Variants in CENPP observed in about 807,000 individuals in gnomAD.
CENPP encodes centromere protein P.
CENPP carries 24 observed loss-of-function variants against 35.6 expected under a neutral mutation model. That is an observed-to-expected ratio of 0.67 (90% CI 0.49 to 0.95). The LOEUF is 0.95. Among genes scored for constraint, CENPP ranks in the 40% least tolerant of loss-of-function variants. The pLI, the probability that CENPP is intolerant of heterozygous loss-of-function variation, is 0.00. For missense variants in CENPP, 332 were observed against 345.3 expected, an observed-to-expected ratio of 0.96 and a Z score of 0.31; for synonymous variants, 120 against 125.5, an observed-to-expected ratio of 0.96 and a Z score of 0.29.
intron 5 of CENPP, among the ~76,000 whole-genome samples, chr9:92,567,403 T>TATATATATAGATAGATAGATAG (rs1554688343): frequency 7.2e-6 from 1 of 138,664 alleles, no homozygotes; most frequent in African/African-American, 2.7e-5. Context: ...TATAGATATA[T>TATATATATAGATAGATAGATAG]ATATAAAGTG....
chr9:92,389,365 A>C (rs889331977), intron 5 of CENPP, among the ~76,000 whole-genome samples: 48 of 152,212 alleles, frequency 3.2e-4, no homozygotes, highest in African/African-American at 1.1e-3. Flanking sequence ...TTTATATTAC[A>C]TGCTCTCATG....
At chr9:92,428,086 GC>G (rs1234350100) in intron 5 of CENPP, among the ~76,000 whole-genome samples, 2 of 152,198 alleles carry the variant, frequency 1.3e-5, no homozygotes, top group Non-Finnish European at 2.9e-5. Flanking sequence ...CACTTGGGCA[GC>G]CCTATAGAAA....
At chr9:92,584,877 T>G (rs887920511) in intron 5 of CENPP, among the ~76,000 whole-genome samples, 2 of 152,264 alleles carry the variant, frequency 1.3e-5, no homozygotes, top group Admixed American at 6.5e-5. Flanking sequence ...GTAGGTCATG[T>G]ACATTCGTAC....
At chr9:92,551,925 G>GTATATATATATATATATATA (rs143120429) in intron 5 of CENPP, among the ~76,000 whole-genome samples, 1 of 84,568 alleles carries the variant, frequency 1.2e-5, no homozygotes, top group Non-Finnish European at 2.1e-5. Context: ...TGGTGTGTGT[G>GTATATATATATATATATATA]TATATATATA....
At chr9:92,475,750 C>G (rs559376733) in intron 5 of CENPP, among the ~76,000 whole-genome samples, 1 of 152,168 alleles carries the variant, frequency 6.6e-6, no homozygotes, top group Non-Finnish European at 1.5e-5. Flanking sequence ...CTTTTTCCTT[C>G]TAATCTGTTC....
intron 3 of CENPP, among the ~76,000 whole-genome samples, chr9:92,338,158 A>T (rs1840989488): frequency 6.6e-6 from 1 of 152,024 alleles, no homozygotes; most frequent in Admixed American, 6.5e-5. Flanking sequence ...CAAAAAAATA[A>T]AAAATTAGCC....
At chr9:92,525,832 C>CTG (rs1016646142) in intron 5 of CENPP, among the ~76,000 whole-genome samples, 9 of 142,274 alleles carry the variant, frequency 6.3e-5, no homozygotes, top group African/African-American at 2.4e-4. Flanking sequence ...GGAGGTTGCA[C>CTG]TGAGTAGCTA....
intron 5 of CENPP, chr9:92,393,319 C>T (rs1190995307): frequency 8.5e-7 from 1 of 1,169,612 alleles, no homozygotes; most frequent in Non-Finnish European, 1.2e-6. Context: ...AAAATTATTG[C>T]TATTATGAAT....
intron 5 of CENPP, among the ~76,000 whole-genome samples, chr9:92,455,279 A>T (rs143441701): frequency 6.6e-6 from 1 of 152,206 alleles, no homozygotes; most frequent in African/African-American, 2.4e-5. Flanking sequence ...AGTCCCAGCT[A>T]CTTGGAAGCC....
At chr9:92,366,303 A>T (rs2130844142) in intron 4 of CENPP, among the ~76,000 whole-genome samples, 1 of 152,340 alleles carries the variant, frequency 6.6e-6, no homozygotes, top group South Asian at 2.1e-4. Flanking sequence ...TTGGAATGAT[A>T]GAGCTGTAGA....
intron 5 of CENPP, chr9:92,493,966 G>T: frequency 1.2e-6 from 1 of 869,186 alleles, no homozygotes; most frequent in Non-Finnish European, 1.8e-6. Context: ...CGTTGAGGGT[G>T]GCCGTAGTCT....
At chr9:92,571,893 G>C (rs1850150081) in intron 5 of CENPP, among the ~76,000 whole-genome samples, 1 of 147,958 alleles carries the variant, frequency 6.8e-6, no homozygotes, top group Non-Finnish European at 1.5e-5. Flanking sequence ...TCAGCAACTA[G>C]GATTGCAACT....
intron 5 of CENPP, chr9:92,535,905 A>C: frequency 2.2e-6 from 1 of 462,556 alleles, no homozygotes; most frequent in Non-Finnish European, 4.1e-6. Flanking sequence ...CATGCTAAGT[A>C]GAAACTTAAA....
At chr9:92,393,957 TCAAC>T (rs1842790098) in intron 5 of CENPP, among the ~76,000 whole-genome samples, 1 of 152,166 alleles carries the variant, frequency 6.6e-6, no homozygotes, top group African/African-American at 2.4e-5. Context: ...GTCACTTGGT[TCAAC>T]TAGTATTTGC....
At chr9:92,505,765 C>A in intron 5 of CENPP, 1 of 1,235,996 alleles carries the variant, frequency 8.1e-7, no homozygotes, top group South Asian at 1.5e-5. Flanking sequence ...TTTGAAATGT[C>A]ATGTGAAATG....
chr9:92,537,365 A>T (rs777870591), intron 5 of CENPP, among the ~76,000 whole-genome samples: 36 of 152,300 alleles, frequency 2.4e-4, no homozygotes, highest in Non-Finnish European at 2.5e-4. Context: ...ATCTATTTTT[A>T]AAAATGTAAA....
chr9:92,496,123 T>C (rs1463733216), intron 5 of CENPP: 3 of 1,224,676 alleles, frequency 2.4e-6, no homozygotes, highest in African/African-American at 3.2e-5. Flanking sequence ...TTACCTTTAC[T>C]ATTAATAAAA....
chr9:92,521,661 G>C (rs943111927), intron 5 of CENPP, among the ~76,000 whole-genome samples: 1 of 151,994 alleles, frequency 6.6e-6, no homozygotes, highest in Non-Finnish European at 1.5e-5. Flanking sequence ...CATTTAATAC[G>C]TTTTTAAAAA....
At chr9:92,362,851 T>C (rs1841793100) in intron 4 of CENPP, among the ~76,000 whole-genome samples, 1 of 152,354 alleles carries the variant, frequency 6.6e-6, no homozygotes, top group Middle Eastern at 3.4e-3. Flanking sequence ...TATGTATCCA[T>C]ATTTATAATA....
Sources: gnomAD v4.1 joint callset for allele counts (sites outside exome capture counted in the v4.1 genomes callset) on GRCh38, gnomAD v4.1.1 for gene constraint, MANE v1.5 for transcripts, NCBI Gene and HGNC (gene_info 2026-07-23, HGNC 2026-07-21) for gene names.